Variants in STT3B observed in about 807,000 individuals in gnomAD.
The protein encoded by STT3B is dolichyl-diphosphooligosaccharide--protein glycosyltransferase subunit STT3B.
STT3B carries 29 observed loss-of-function variants against 96.8 expected under a neutral mutation model. That is an observed-to-expected ratio of 0.30 (90% CI 0.22 to 0.41). STT3B has a LOEUF of 0.41. Among genes scored for constraint, STT3B ranks in the 10% least tolerant of loss-of-function variants. STT3B has a pLI of 1.00. For missense variants in STT3B, 640 were observed against 1,022.3 expected (o/e 0.63, Z 5.10); for synonymous variants, 367 against 360.0 (o/e 1.02, Z -0.22).
At chr3:31,596,024 A>G (rs890060256) in intron 3 of STT3B, among the ~76,000 whole-genome samples, 22 of 152,202 alleles carry the variant, frequency 1.4e-4, no homozygotes, top group African/African-American at 5.3e-4. Flanking sequence ...TTTGTATCTT[A>G]TCTCCACAGT....
chr3:31,573,444 T>C (rs1366556598), intron 1 of STT3B, among the ~76,000 whole-genome samples: 1 of 152,170 alleles, frequency 6.6e-6, no homozygotes, highest in Non-Finnish European at 1.5e-5. Flanking sequence ...ATTACAGTGC[T>C]AGTAGCAGAA....
Position 31,533,054 on chromosome 3 carries a change from C to G in STT3B, c.56C>G (p.Pro19Arg). The change falls in exon 1 of 16, where the codon CCG becomes CGG. Residue 19 changes from proline to arginine, a missense_variant. Physicochemically the swap from Pro to Arg is moderately radical, Grantham distance 103. Coordinates refer to ENST00000295770, the MANE Select transcript of STT3B (RefSeq NM_178862.3). ...CACAAGTCGTCCCTCAACTCGTCCC[C>G]GTGGAGTGGCCTCATGGCCCTGGGA... ...SKHKSSLNSS[P>R]WSGLMALGNS... is the part of the protein sequence containing the mutation. The G allele has an allele frequency of 6.3e-7, 1 of 1,583,320 alleles. No individual in the cohort carries two copies. The highest frequency in any genetic ancestry group is 8.6e-7 in the Non-Finnish European group (1 of 1,166,654).
At chr3:31,632,339 A>C (rs76712983) in intron 14 of STT3B, among the ~76,000 whole-genome samples, 13 of 152,366 alleles carry the variant, frequency 8.5e-5, no homozygotes, top group Non-Finnish European at 1.8e-4. Context: ...TACACTTTGA[A>C]TAAGACAAAG....
At chr3:31,583,702 A>G (rs1450647485) in intron 3 of STT3B, among the ~76,000 whole-genome samples, 1 of 152,138 alleles carries the variant, frequency 6.6e-6, no homozygotes, top group African/African-American at 2.4e-5. Flanking sequence ...TTTAATACAC[A>G]TTGGAAGTAA....
At chr3:31,632,453 A>G (rs981881462) in intron 14 of STT3B, among the ~76,000 whole-genome samples, 1 of 152,324 alleles carries the variant, frequency 6.6e-6, no homozygotes, top group South Asian at 2.1e-4. Flanking sequence ...ATGAGGAAAC[A>G]ATAAAGGAGA....
At chr3:31,538,313 TGTATATACATGCTGTTTCA>T (rs1300865312) in intron 1 of STT3B, among the ~76,000 whole-genome samples, 2 of 152,196 alleles carry the variant, frequency 1.3e-5, no homozygotes, top group Admixed American at 1.3e-4. Context: ...TTTGAACATA[TGTATATACATGCTGTTTCA>T]GTATCCTCAG....
chr3:31,599,183 T>C (rs990888002), intron 4 of STT3B, among the ~76,000 whole-genome samples: 2 of 152,148 alleles, frequency 1.3e-5, no homozygotes, highest in African/African-American at 4.8e-5. Context: ...TTCTCTTTTT[T>C]TCTACACCAT....
At chr3:31,563,814 G>C (rs957253372) in intron 1 of STT3B, among the ~76,000 whole-genome samples, 1 of 151,806 alleles carries the variant, frequency 6.6e-6, no homozygotes, top group African/African-American at 2.4e-5. Context: ...TTATTCAGAC[G>C]TTTTTTTTGA....
intron 5 of STT3B, among the ~76,000 whole-genome samples, chr3:31,600,814 A>C (rs977926794): frequency 3.9e-5 from 6 of 152,166 alleles, no homozygotes; most frequent in Non-Finnish European, 8.8e-5. Context: ...CAAAGTAAGC[A>C]GCTTAATAAG....
At chr3:31,547,380 G>A (rs1697441984) in intron 1 of STT3B, among the ~76,000 whole-genome samples, 1 of 152,094 alleles carries the variant, frequency 6.6e-6, no homozygotes, top group Admixed American at 6.6e-5. Context: ...ATTGCAGGTC[G>A]GGTGCGGTGG....
At chr3:31,569,188 T>C (rs1368641853) in intron 1 of STT3B, among the ~76,000 whole-genome samples, 1 of 152,022 alleles carries the variant, frequency 6.6e-6, no homozygotes, top group Non-Finnish European at 1.5e-5. Context: ...AAAAAACTTT[T>C]TTTTCTTTCC....
intron 6 of STT3B, 76 bp downstream of exon 6, chr3:31,615,279 T>G (rs1044584204): frequency 9.3e-7 from 1 of 1,080,758 alleles, no homozygotes; most frequent in Non-Finnish European, 1.3e-6. Flanking sequence ...GAGATGACAG[T>G]TTTTGATCAT....
rs1699603022 is a variant in STT3B, at chr3:31,629,220, G to A, written c.2074-78G>A. On this transcript the variant is annotated intron_variant, in intron 13 of 15. Coordinates refer to ENST00000295770, the MANE Select transcript of STT3B (RefSeq NM_178862.3). ...GATACCTCAGAAGCTTATTCTTACA[G>A]GGAAATGAAAAGAGGAAACTGTAGC... The A allele has an allele frequency of 3.7e-6, 3 of 812,530 alleles. No homozygotes were observed. The Admixed American group carries it at 7.5e-5, about 20-fold the overall frequency. 50.3% of individuals were successfully genotyped at this position (812,530 alleles called of 1,614,324 possible). A position where few individuals can be genotyped will look rare whatever the true frequency, so the allele number is the denominator to read the frequency against.
intron 5 of STT3B, among the ~76,000 whole-genome samples, chr3:31,600,759 C>CT (rs888606971): frequency 2.6e-5 from 4 of 151,992 alleles, no homozygotes; most frequent in African/African-American, 4.8e-5. Flanking sequence ...AAATCGTTCA[C>CT]ATTTTTTATA....
In STT3B at chr3:31,555,150, T is replaced by C. The variant is rs1252330529; in HGVS notation, c.315-21246T>C. On this transcript the variant is annotated intron_variant, in intron 1 of 15. Coordinates refer to ENST00000295770, the MANE Select transcript of STT3B (RefSeq NM_178862.3). ...GTTAGAATATACTTGTTCTCAATTA[T>C]AGTACCAATTTTGTGGGGAATATAT... 2.0e-5 allele frequency among the ~76,000 whole-genome samples: 3 copies of C among 152,308 alleles called. No homozygotes were observed. The East Asian group carries it at 5.8e-4, about 29-fold the overall frequency.
intron 1 of STT3B, among the ~76,000 whole-genome samples, chr3:31,545,335 C>G (rs1697379168): frequency 6.6e-6 from 1 of 152,076 alleles, no homozygotes; most frequent in Non-Finnish European, 1.5e-5. Context: ...CAAATAGAAA[C>G]AGCTGTTATA....
At chr3:31,550,959 C>T (rs977857026) in intron 1 of STT3B, among the ~76,000 whole-genome samples, 2 of 152,070 alleles carry the variant, frequency 1.3e-5, no homozygotes, top group African/African-American at 4.8e-5. Context: ...TTCTCTGTCC[C>T]TATTAGTGCT....
chr3:31,628,379 G>A (rs1458156687), intron 13 of STT3B, among the ~76,000 whole-genome samples: 2 of 152,004 alleles, frequency 1.3e-5, no homozygotes, highest in Non-Finnish European at 2.9e-5. Context: ...GTTTACATTT[G>A]CACAGTACGT....
chr3:31,580,240 G>C (rs1056523074), intron 3 of STT3B, 144 bp downstream of exon 3: 1 of 747,304 alleles, frequency 1.3e-6, no homozygotes, highest in African/African-American at 1.8e-5. Context: ...ATTTAATAAT[G>C]GATAACATTT....
Sources: allele counts gnomAD v4.1 joint callset (sites outside exome capture counted in the v4.1 genomes callset), GRCh38; gene constraint gnomAD v4.1.1; transcripts MANE v1.5; gene names NCBI Gene and HGNC (gene_info 2026-07-23, HGNC 2026-07-21).